KAT6A: variants seen among roughly 807,000 people sequenced by gnomAD.
KAT6A encodes lysine acetyltransferase 6A.
A neutral mutation model predicts 198.4 loss-of-function variants in KAT6A; 9 were observed. That is an observed-to-expected ratio of 0.05 (90% CI 0.03 to 0.08). KAT6A has a LOEUF of 0.08. Ranked by LOEUF, KAT6A falls within the 10% of genes least tolerant of loss-of-function variation. The probability of loss-of-function intolerance (pLI) is 1.00; values close to 1 mark genes in which losing one functional copy is unlikely to be tolerated. For missense variants in KAT6A, 2,077 were observed against 2,509.9 expected (o/e 0.83, Z 3.69); for synonymous variants, 890 against 883.0 (o/e 1.01, Z -0.14).
intron 8 of KAT6A, among the ~76,000 whole-genome samples, chr8:41,973,190 G>A (rs1823882558): frequency 6.6e-6 from 1 of 152,040 alleles, no homozygotes; most frequent in South Asian, 2.1e-4. Flanking sequence ...CTCTTAATAT[G>A]AAGAGTTTTC....
chr8:41,946,008 T>C lies in KAT6A; in HGVS notation c.1996+583A>G, dbSNP rs897192758. Among the ~76,000 whole-genome samples, 3 of 148,356 alleles carry C rather than the reference T, an allele frequency of 2.0e-5. 1 individual carries two copies. The highest frequency in any genetic ancestry group is 2.0e-4 in the East Asian group (1 of 5,050). On this transcript the variant is annotated intron_variant, in intron 12 of 16. Coordinates refer to ENST00000265713, the MANE Select transcript of KAT6A (RefSeq NM_006766.5). Reference sequence around the variant, plus strand: ...TCACGCCACTGCACTCCAGCCTGGGTGACAGAGCGAGACTCTGTCTCTCAA... The same window carrying C: ...TCACGCCACTGCACTCCAGCCTGGGCGACAGAGCGAGACTCTGTCTCTCAA...
intron 15 of KAT6A, among the ~76,000 whole-genome samples, 185 bp from the exon 16 acceptor site, chr8:41,937,753 G>A (rs1336678099): frequency 1.3e-5 from 2 of 152,044 alleles, no homozygotes; most frequent in East Asian, 1.9e-4. Flanking sequence ...TAAATACAAA[G>A]GTATTAGGCA....
At chr8:41,992,713 A>G (rs1234792267) in intron 2 of KAT6A, among the ~76,000 whole-genome samples, 1 of 152,216 alleles carries the variant, frequency 6.6e-6, no homozygotes, top group Non-Finnish European at 1.5e-5. Context: ...GCAATCACTG[A>G]AGAGAAGCCT....
Position 41,934,560 on chromosome 8 carries a change from G to T in KAT6A, c.3660C>A (p.Pro1220=), listed in dbSNP as rs113809048. 1 of 1,613,814 alleles carries T rather than the reference G, an allele frequency of 6.2e-7. No individual in the cohort carries two copies. Among genetic ancestry groups the T allele is most frequent in the African/African-American group, 1.3e-5 (1 of 74,934 alleles). ...TCTCCTCCTCCTCCTTCCTCTCCTCGGGTAGGGGCATGTCTTCTTTTGGCT... is the reference window on the plus strand; with the variant it reads ...TCTCCTCCTCCTCCTTCCTCTCCTCTGGTAGGGGCATGTCTTCTTTTGGCT... ...TVEPKEDMPL[P]EERKEEEEMQ... The change falls in exon 17 of 17, where the codon CCC becomes CCA. Residue 1220 remains proline (P), a synonymous_variant. Coordinates refer to ENST00000265713, the MANE Select transcript of KAT6A (RefSeq NM_006766.5).
chr8:41,942,758 C>G, intron 14 of KAT6A, 35 bp downstream of exon 14: 1 of 1,602,826 alleles, frequency 6.2e-7, no homozygotes, highest in Non-Finnish European at 8.5e-7. Flanking sequence ...AATATATCTT[C>G]TGTCATCAAA....
chr8:41,954,727 C>T (rs1822843668), intron 9 of KAT6A, among the ~76,000 whole-genome samples: 1 of 152,172 alleles, frequency 6.6e-6, no homozygotes, highest in African/African-American at 2.4e-5. Flanking sequence ...AGTTGGGCAG[C>T]TTTTAAGGTT....
intron 2 of KAT6A, among the ~76,000 whole-genome samples, chr8:42,030,765 A>G (rs1221652726): frequency 2.0e-5 from 3 of 151,822 alleles, no homozygotes; most frequent in Non-Finnish European, 4.4e-5. Context: ...TTTAGTAGAG[A>G]CAGGGTTTCA....
chr8:41,934,758 T>C lies in KAT6A; in HGVS notation c.3462A>G (p.Lys1154=). Residue 1154 remains lysine, a synonymous_variant, in exon 17 of 17, where the codon AAA becomes AAG. Coordinates refer to ENST00000265713, the MANE Select transcript of KAT6A (RefSeq NM_006766.5). ...AGTGGATTGGTTTGCGGCTCTTGCC[T>C]TTGGGCCATCCCTTTTTCTTTTTCA... ...TPLKKKKGWP[K]GKSRKPIHWK... is the part of the protein sequence containing the mutation. The C allele has an allele frequency of 6.2e-7, 1 of 1,614,196 alleles. No individual in the cohort carries two copies. Among genetic ancestry groups the C allele is most frequent in the Non-Finnish European group, 8.5e-7 (1 of 1,180,024 alleles).
intron 2 of KAT6A, among the ~76,000 whole-genome samples, chr8:42,013,809 G>A (rs192448689): frequency 6.6e-6 from 1 of 152,280 alleles, no homozygotes; most frequent in East Asian, 1.9e-4. Context: ...TCAATTAGGA[G>A]GCAAGAACAA....
chr8:42,026,413 T>G (rs1253508577), intron 2 of KAT6A, among the ~76,000 whole-genome samples: 1 of 152,198 alleles, frequency 6.6e-6, no homozygotes, highest in Non-Finnish European at 1.5e-5. Flanking sequence ...ACAGGGGATG[T>G]CTTCCCATTT....
intron 2 of KAT6A, among the ~76,000 whole-genome samples, chr8:42,002,302 T>C (rs186012547): frequency 1.9e-4 from 29 of 152,320 alleles, no homozygotes; most frequent in Admixed American, 9.2e-4. Context: ...CTGTCTCTTT[T>C]CCTGTATATT....
rs923118103 is a variant in KAT6A, at chr8:41,931,779, C to T, written c.*426G>A. Reference sequence around the variant, plus strand: ...GTTTGGAGGAAAGGGTCTGGTTAACCCTTGAGATGTATATAACATTTAAAA... The same window carrying T: ...GTTTGGAGGAAAGGGTCTGGTTAACTCTTGAGATGTATATAACATTTAAAA... On this transcript the variant is annotated 3_prime_UTR_variant, in exon 17 of 17. Transcript: ENST00000265713. The T allele has an allele frequency of 4.8e-6, 1 of 208,512 alleles. No individual in the cohort carries two copies. Among genetic ancestry groups the T allele is most frequent in the African/African-American group, 2.3e-5 (1 of 43,948 alleles). 12.9% of individuals were successfully genotyped at this position (208,512 alleles called of 1,614,324 possible). A position where few individuals can be genotyped will look rare whatever the true frequency, so the allele number is the denominator to read the frequency against.
rs1476909257 is a variant in KAT6A, at chr8:41,941,083, G to A, written c.2798C>T (p.Pro933Leu). The A allele has an allele frequency of 6.2e-7, 1 of 1,614,078 alleles. No homozygotes were observed. Among genetic ancestry groups the A allele is most frequent in the African/African-American group, 1.3e-5 (1 of 74,914 alleles). Residue 933 changes from proline (P) to leucine (L), a missense_variant, in exon 15 of 17, where the codon CCT (proline) becomes CTT (leucine). Around this residue, in one of 13 missense-constraint regions of KAT6A, gnomAD observed 301 missense variants for 272.2 expected, o/e 1.11. Transcript: ENST00000265713. ...SEEQPSQDGKPDLPKRRLSEG... is the reference protein window; with the variant it reads ...SEEQPSQDGKLDLPKRRLSEG... ...ACTGAGTCTTCTCTTGGGAAGGTCA[G>A]GTTTCCCGTCCTGGCTTGGCTGCTC...
chr8:42,008,045 T>A (rs922220391), intron 2 of KAT6A, among the ~76,000 whole-genome samples: 4 of 151,496 alleles, frequency 2.6e-5, no homozygotes, highest in Non-Finnish European at 5.9e-5. Flanking sequence ...ATAGTCAGTA[T>A]CTCATTACTT....
intron 2 of KAT6A, among the ~76,000 whole-genome samples, chr8:42,016,135 A>T (rs528184622): frequency 2.8e-4 from 43 of 152,310 alleles, no homozygotes; most frequent in Non-Finnish European, 4.1e-4. Context: ...TTACACAAAT[A>T]AGTTAAGTTA....
chr8:42,013,663 A>G (rs1367229667), intron 2 of KAT6A, among the ~76,000 whole-genome samples: 2 of 152,216 alleles, frequency 1.3e-5, no homozygotes, highest in African/African-American at 4.8e-5. Flanking sequence ...TGGTCCTTCT[A>G]TAATTTTCAT....
intron 1 of KAT6A, among the ~76,000 whole-genome samples, chr8:42,050,231 A>T (rs1802537090): frequency 6.6e-6 from 1 of 152,260 alleles, no homozygotes; most frequent in Non-Finnish European, 1.5e-5. Context: ...TCCTGAAACG[A>T]ACATTAATAA....
At chr8:41,972,198 TAGGA>T (rs1488635189) in intron 8 of KAT6A, among the ~76,000 whole-genome samples, 2 of 152,022 alleles carry the variant, frequency 1.3e-5, no homozygotes, top group Non-Finnish European at 2.9e-5. Context: ...AATAAACAAA[TAGGA>T]AGAAGAAAAA....
At chr8:42,021,363 GCTCT>G (rs1826527123) in intron 2 of KAT6A, among the ~76,000 whole-genome samples, 1 of 152,190 alleles carries the variant, frequency 6.6e-6, no homozygotes, top group Non-Finnish European at 1.5e-5. Context: ...ACTATTTCTT[GCTCT>G]CTATTTTTGA....
Sources: gnomAD v4.1 joint callset for allele counts (sites outside exome capture counted in the v4.1 genomes callset) on GRCh38, gnomAD v4.1.1 for gene constraint, gnomAD v4.1.1 regional missense constraint, MANE v1.5 for transcripts, NCBI Gene and HGNC (gene_info 2026-07-23, HGNC 2026-07-21) for gene names.